MYH11: variants seen among roughly 807,000 people sequenced by gnomAD.
MYH11 encodes myosin-11.
A neutral mutation model predicts 246.6 loss-of-function variants in MYH11; 80 were observed. The ratio of observed to expected loss-of-function variants is 0.32; its 90% CI spans 0.27 to 0.39. MYH11 has a LOEUF of 0.39. Ranked by LOEUF, MYH11 falls within the 10% of genes least tolerant of loss-of-function variation. MYH11 has a pLI of 1.00. For synonymous variants in MYH11, 1,071 were observed against 1,015.5 expected (o/e 1.05, Z -1.04); for missense variants, 2,158 against 2,546.8 (o/e 0.85, Z 3.29).
intron 4 of MYH11, among the ~76,000 whole-genome samples, chr16:15,790,768 C>G (rs1056848287): frequency 6.6e-6 from 1 of 152,038 alleles, no homozygotes; most frequent in Non-Finnish European, 1.5e-5. Flanking sequence ...GTGCCAAGTC[C>G]TTTTAATCAG....
At position 15,750,591 on chromosome 16, in the gene MYH11, GACTAGCCTTGGCTTGGC is replaced by G. The variant is rs2041540601; in HGVS notation, c.1865-277_1865-261del. ...AGCCTGCTCTCGCTGTCCACTCACTGACTAGCCTTGGCTTGGCACTATCCTGTGCCTCAGTCTCCCTT... is the reference window on the plus strand; with the variant it reads ...AGCCTGCTCTCGCTGTCCACTCACTGACTATCCTGTGCCTCAGTCTCCCTT... On this transcript the variant is annotated intron_variant, in intron 15 of 40. Transcript: ENST00000300036. The surrounding 1 kb of genome is among the most constrained non-coding windows in gnomAD (Gnocchi z 4.3). Among the ~76,000 whole-genome samples, 1 of 152,306 alleles carries G rather than the reference GACTAGCCTTGGCTTGGC, an allele frequency of 6.6e-6. No homozygotes were observed. The highest frequency in any genetic ancestry group is 6.5e-5 in the Admixed American group (1 of 15,288).
rs759195943 is a variant in MYH11, at chr16:15,747,749, G to C, written c.2251-19C>G. On this transcript the variant is annotated intron_variant, in intron 18 of 40. Coordinates refer to ENST00000300036, the MANE Select transcript of MYH11 (RefSeq NM_002474.3). ...CTTTGATCTGCAAAAGGAAGGAAAG[G>C]AAGAGCTCCTGATTTCCACTGTGCC... 3 of 1,613,908 alleles carry C rather than the reference G, an allele frequency of 1.9e-6. No individual in the cohort carries two copies. Among genetic ancestry groups the C allele is most frequent in the African/African-American group, 2.7e-5 (2 of 75,012 alleles).
chr16:15,794,871 C>T (rs2042706590), intron 4 of MYH11, among the ~76,000 whole-genome samples: 1 of 152,186 alleles, frequency 6.6e-6, no homozygotes, highest in Admixed American at 6.5e-5. Context: ...CAGAGGAGGA[C>T]AGCAGGAAGT....
At chr16:15,724,577 G>C in intron 30 of MYH11, 70 bp downstream of exon 30, 1 of 1,611,014 alleles carries the variant, frequency 6.2e-7, no homozygotes, top group African/African-American at 1.3e-5. Flanking sequence ...ACCGCGATCT[G>C]CCTGCGGGGG....
intron 36 of MYH11, chr16:15,718,664 A>C: frequency 1.6e-6 from 1 of 620,280 alleles, no homozygotes; most frequent in Non-Finnish European, 2.8e-6. Flanking sequence ...GGGGACCAGC[A>C]CACTCCTCCC....
intron 20 of MYH11, among the ~76,000 whole-genome samples, chr16:15,744,393 C>G (rs2041359734): frequency 6.6e-6 from 1 of 152,004 alleles, no homozygotes; most frequent in African/African-American, 2.4e-5. Flanking sequence ...CAGGGTTTCA[C>G]CATCTTGGCC....
intron 19 of MYH11, among the ~76,000 whole-genome samples, chr16:15,745,581 T>C (rs931695556): frequency 7.8e-6 from 1 of 128,108 alleles, no homozygotes; most frequent in African/African-American, 3.4e-5. Context: ...TTTCTTTCTT[T>C]CTTTTTTTTT....
At chr16:15,717,798 AAAAAG>A (rs1056942602) in intron 37 of MYH11, 8 of 259,556 alleles carry the variant, frequency 3.1e-5, no homozygotes, top group Admixed American at 1.0e-4. Context: ...TGTCTCCAAA[AAAAAG>A]AGGTGCTTCC....
intron 15 of MYH11, among the ~76,000 whole-genome samples, chr16:15,751,118 GTATTAT>G (rs56124315): frequency 0.05 from 7,105 of 143,222 alleles, 239 homozygotes; most frequent in East Asian, 0.16. Context: ...CAAAAAGTAG[GTATTAT>G]TATTATTATT....
intron 40 of MYH11, among the ~76,000 whole-genome samples, chr16:15,712,351 G>GA (rs2151184024): frequency 6.6e-6 from 1 of 152,202 alleles, no homozygotes; most frequent in South Asian, 2.1e-4. Context: ...TAGCGCTGGG[G>GA]AGAGATGAAA....
intron 4 of MYH11, among the ~76,000 whole-genome samples, chr16:15,794,657 C>T (rs62030578): frequency 6.6e-6 from 1 of 151,922 alleles, no homozygotes; most frequent in Non-Finnish European, 1.5e-5. Context: ...CTGAGAAGAT[C>T]GAGGGGAAGG....
At chr16:15,794,031 C>T (rs1193043609) in intron 4 of MYH11, among the ~76,000 whole-genome samples, 2 of 148,060 alleles carry the variant, frequency 1.4e-5, no homozygotes, top group African/African-American at 5.0e-5. Context: ...GCAAGCCCCG[C>T]CCCCCAGGTT....
intron 1 of MYH11, among the ~76,000 whole-genome samples, chr16:15,841,013 G>C (rs896978053): frequency 5.9e-5 from 9 of 152,076 alleles, no homozygotes; most frequent in Non-Finnish European, 8.8e-5. Context: ...TATTATACTA[G>C]GGTTCTATCT....
At chr16:15,749,758 A>G (rs769933284) in intron 16 of MYH11, 1 of 340,702 alleles carries the variant, frequency 2.9e-6, no homozygotes, top group Non-Finnish European at 5.5e-6. Context: ...GCATGTCCAT[A>G]TAGAGGACAC....
intron 3 of MYH11, among the ~76,000 whole-genome samples, chr16:15,808,892 CA>C (rs2043074968): frequency 6.6e-6 from 1 of 151,920 alleles, no homozygotes; most frequent in Non-Finnish European, 1.5e-5. Flanking sequence ...AACTCTGTCT[CA>C]AAAAATATAT....
chr16:15,792,656 C>T (rs1054472527), intron 4 of MYH11: 6 of 152,084 alleles, frequency 3.9e-5, no homozygotes, highest in African/African-American at 1.4e-4. Context: ...CTGATTTGAC[C>T]CACTGGTTAA....
intron 8 of MYH11, among the ~76,000 whole-genome samples, chr16:15,772,109 T>TTTTTA (rs1442199351): frequency 7.6e-6 from 1 of 131,348 alleles, no homozygotes; most frequent in African/African-American, 2.8e-5. Context: ...TTTTTTTTTT[T>TTTTTA]GAGACGGAGT....
In MYH11 at chr16:15,703,673, C is replaced by T. The variant is rs568716913; in HGVS notation, c.*318G>A. On this transcript the variant is annotated 3_prime_UTR_variant, in exon 41 of 41. Transcript: ENST00000300036. ...ATGCAATTATAGCTCATTGCAGCCT[C>T]GAAGTCCTGGGCTGGAGCGTTCTTC... is the stretch of plus-strand genomic sequence containing the variant. 9.0e-6 allele frequency: 4 copies of T among 444,278 alleles called. No individual in the cohort carries two copies. The highest frequency in any genetic ancestry group is 1.7e-5 in the Non-Finnish European group (4 of 237,678). The allele number at this position is 444,278 out of a possible 1,614,324, so 27.5% of individuals were successfully genotyped here. A position where few individuals can be genotyped will look rare whatever the true frequency, so the allele number is the denominator to read the frequency against.
chr16:15,737,590 T>C lies in MYH11; in HGVS notation c.3152A>G (p.Gln1051Arg), dbSNP rs1555557294. ...VRLKKEEKSR[Q>R]ELEKLKRKLE... The stretch of plus-strand genomic sequence containing the variant: ...CTTCCGTTTCAGCTTCTCCAGCTCC[T>C]GTCGGCTCTTCTCTTCCTTCTTTAG... Residue 1051 changes from glutamine (Q) to arginine (R), a missense_variant, in exon 25 of 41, where the codon CAG (glutamine) becomes CGG (arginine). By Grantham distance (43) the Gln-to-Arg change is conservative. This residue lies in a region of MYH11 where 284 missense variants were observed against 315.4 expected (regional missense o/e 0.90). Transcript: ENST00000300036. The C allele has an allele frequency of 6.2e-6, 10 of 1,613,512 alleles. No individual in the cohort carries two copies. Among genetic ancestry groups the C allele is most frequent in the Non-Finnish European group, 8.5e-6 (10 of 1,180,010 alleles).
Sources: gnomAD v4.1 joint callset for allele counts (sites outside exome capture counted in the v4.1 genomes callset) on GRCh38, gnomAD v4.1.1 for gene constraint, gnomAD v4.1.1 regional missense constraint, Gnocchi (gnomAD v3.1) non-coding constraint, MANE v1.5 for transcripts, NCBI Gene and HGNC (gene_info 2026-07-23, HGNC 2026-07-21) for gene names.